The following TTC28 variants were observed in gnomAD, a reference collection of about 807,000 sequenced individuals.
TTC28 encodes the protein tetratricopeptide repeat protein 28.
Under a neutral mutation model 198.0 loss-of-function variants are expected in TTC28, and 61 were observed. That is an observed-to-expected ratio of 0.31 (90% CI 0.25 to 0.38). The LOEUF is 0.38. Ranked by LOEUF, TTC28 falls within the 10% of genes least tolerant of loss-of-function variation. The probability of loss-of-function intolerance (pLI) is 1.00; values close to 1 mark genes in which losing one functional copy is unlikely to be tolerated. For synonymous variants in TTC28, 1,171 were observed against 1,297.8 expected (o/e 0.90, Z 2.10); for missense variants, 2,678 against 3,164.0 (o/e 0.85, Z 3.69).
At chr22:28,039,994 G>C (rs1007733070) in intron 12 of TTC28, among the ~76,000 whole-genome samples, 1 of 152,122 alleles carries the variant, frequency 6.6e-6, no homozygotes, top group African/African-American at 2.4e-5. Context: ...TAGAAGAAAT[G>C]GATAAATTCC....
At chr22:28,605,299 G>T (rs536653790) in intron 2 of TTC28, among the ~76,000 whole-genome samples, 1 of 152,200 alleles carries the variant, frequency 6.6e-6, no homozygotes, top group East Asian at 1.9e-4. Context: ...TCTCCTCTTA[G>T]ATCAACAATA....
At chr22:28,112,198 A>C (rs1942501511) in intron 6 of TTC28, among the ~76,000 whole-genome samples, 1 of 152,206 alleles carries the variant, frequency 6.6e-6, no homozygotes, top group Non-Finnish European at 1.5e-5. Flanking sequence ...GTATCAATAT[A>C]CTTTGTAAAC....
At chr22:28,117,593 T>C (rs1942667061) in intron 6 of TTC28, among the ~76,000 whole-genome samples, 1 of 152,236 alleles carries the variant, frequency 6.6e-6, no homozygotes, top group African/African-American at 2.4e-5. Flanking sequence ...CTACACAGAA[T>C]TGTGGGTTAT....
At chr22:28,405,263 T>C (rs775987600) in intron 2 of TTC28, among the ~76,000 whole-genome samples, 2 of 152,240 alleles carry the variant, frequency 1.3e-5, no homozygotes, top group Non-Finnish European at 1.5e-5. Context: ...TTTAAGACTA[T>C]GATTATGATT....
intron 2 of TTC28, among the ~76,000 whole-genome samples, chr22:28,547,990 C>T (rs745920682): frequency 6.6e-6 from 1 of 151,616 alleles, no homozygotes; most frequent in Non-Finnish European, 1.5e-5. Context: ...TCTAACCACC[C>T]AATACTGCTG....
chr22:28,061,063 G>A (rs1405467207), intron 12 of TTC28, among the ~76,000 whole-genome samples: 1 of 152,110 alleles, frequency 6.6e-6, no homozygotes, highest in Non-Finnish European at 1.5e-5. Flanking sequence ...TTTTTGATGA[G>A]GTTGTTTGAT....
At chr22:28,281,035 A>G (rs566651101) in intron 5 of TTC28, among the ~76,000 whole-genome samples, 1 of 152,128 alleles carries the variant, frequency 6.6e-6, no homozygotes, top group South Asian at 2.1e-4. Context: ...TCTCTTTATA[A>G]TTGGTTTATA....
intron 2 of TTC28, among the ~76,000 whole-genome samples, chr22:28,518,007 C>A (rs962945739): frequency 6.6e-6 from 1 of 152,022 alleles, no homozygotes; most frequent in African/African-American, 2.4e-5. Context: ...AACAATTCTC[C>A]TACCTTAACC....
intron 5 of TTC28, among the ~76,000 whole-genome samples, chr22:28,183,274 G>C (rs1333927643): frequency 1.3e-5 from 2 of 152,048 alleles, no homozygotes; most frequent in Non-Finnish European, 2.9e-5. Flanking sequence ...TGCCCAGGCT[G>C]GTCTCCAGTC....
chr22:28,545,334 C>T (rs546440624), intron 2 of TTC28, among the ~76,000 whole-genome samples: 1 of 152,186 alleles, frequency 6.6e-6, no homozygotes, highest in East Asian at 1.9e-4. Flanking sequence ...ATTTGGGAGG[C>T]CATGACAGGA....
chr22:28,660,500 T>TTTTTG (rs2051725131), intron 1 of TTC28, among the ~76,000 whole-genome samples: 1 of 148,968 alleles, frequency 6.7e-6, no homozygotes, highest in South Asian at 2.1e-4. Flanking sequence ...TAATTTTTTG[T>TTTTTG]TTTTGTTTTG....
At chr22:28,533,343 G>T (rs894964274) in intron 2 of TTC28, among the ~76,000 whole-genome samples, 1 of 152,048 alleles carries the variant, frequency 6.6e-6, no homozygotes, top group Non-Finnish European at 1.5e-5. Context: ...TAGGAATCCA[G>T]CTTACAAGGG....
chr22:28,371,055 A>C (rs2046324002), intron 2 of TTC28, among the ~76,000 whole-genome samples: 1 of 152,168 alleles, frequency 6.6e-6, no homozygotes, highest in Admixed American at 6.5e-5. Flanking sequence ...ATGAGGTTCC[A>C]ACACTTAGAA....
At chr22:28,148,105 G>A (rs6005724) in intron 6 of TTC28, among the ~76,000 whole-genome samples, 7 of 152,050 alleles carry the variant, frequency 4.6e-5, no homozygotes, top group Non-Finnish European at 8.8e-5. Context: ...GATCCAAAAA[G>A]GTTAATATAT....
At chr22:28,341,429 A>G (rs926235927) in intron 2 of TTC28, among the ~76,000 whole-genome samples, 5 of 152,186 alleles carry the variant, frequency 3.3e-5, no homozygotes, top group African/African-American at 1.2e-4. Flanking sequence ...ATGTGGGAGA[A>G]TCACTTGAGG....
intron 2 of TTC28, among the ~76,000 whole-genome samples, chr22:28,377,535 C>A (rs1355993691): frequency 1.3e-5 from 2 of 152,238 alleles, no homozygotes; most frequent in East Asian, 3.9e-4. Context: ...GACAGAGCCA[C>A]AACTAGATCA....
chr22:28,214,526 A>G (rs1927215380), intron 5 of TTC28, among the ~76,000 whole-genome samples: 1 of 152,262 alleles, frequency 6.6e-6, no homozygotes, highest in African/African-American at 2.4e-5. Context: ...CAGTTACATG[A>G]AAAATTGCTC....
intron 5 of TTC28, among the ~76,000 whole-genome samples, chr22:28,229,922 G>A (rs187993320): frequency 6.6e-6 from 1 of 152,164 alleles, no homozygotes; most frequent in Non-Finnish European, 1.5e-5. Context: ...AATCTAAAAA[G>A]GGCAAAATTC....
intron 9 of TTC28, among the ~76,000 whole-genome samples, chr22:28,100,698 T>C (rs1429427813): frequency 2.6e-5 from 4 of 152,070 alleles, no homozygotes; most frequent in Non-Finnish European, 5.9e-5. Flanking sequence ...TCACTACTAC[T>C]CCAACCTAAC....
Sources: allele counts gnomAD v4.1 joint callset (sites outside exome capture counted in the v4.1 genomes callset), GRCh38; gene constraint gnomAD v4.1.1; transcripts MANE v1.5; gene names NCBI Gene and HGNC (gene_info 2026-07-23, HGNC 2026-07-21).